The following EP400 variants were observed in gnomAD, a reference collection of about 807,000 sequenced individuals.
EP400 encodes E1A binding protein p400.
EP400 carries 105 observed loss-of-function variants against 354.1 expected under a neutral mutation model. That is an observed-to-expected ratio of 0.30 (90% CI 0.25 to 0.35). The LOEUF (loss-of-function observed/expected upper bound fraction) is 0.35, where lower values mean the gene tolerates loss of function less well. EP400 is among the 10% of genes least tolerant of loss of function. EP400 has a pLI of 1.00. For synonymous variants in EP400, 1,646 were observed against 1,716.9 expected, an observed-to-expected ratio of 0.96 and a Z score of 1.02; for missense variants, 3,280 against 4,121.0, an observed-to-expected ratio of 0.80 and a Z score of 5.59.
rs539785969 is a variant in EP400 at position 132,017,257 on chromosome 12, C to G, written c.3924-278C>G. ...ATCCCCCTTGGATGCCCCCACTTCT[C>G]TTTCAGAGCACTCGGTATGATTGTG... On this transcript the variant is annotated intron_variant, in intron 19 of 52. Coordinates refer to ENST00000389561, the MANE Select transcript of EP400 (RefSeq NM_015409.5). The surrounding 1 kb of genome is among the most constrained non-coding windows in gnomAD (Gnocchi z 5.0). 5.0e-4 allele frequency among the ~76,000 whole-genome samples: 76 copies of G among 152,368 alleles called. 1 individual carries two copies. The highest frequency in any genetic ancestry group is 1.8e-3 in the African/African-American group (74 of 41,594).
rs550961656 is a variant in EP400 at position 132,018,371 on chromosome 12, C to T, written c.4272C>T (p.Ala1424=). ...GACCAGCAGCAGCAAAGCTGAAGGC[C>T]AGCAGGTGCGTGCGACCCAGAGGCA... ...AARPAAAKLK[A]SRLFQPVQYG... The change falls in exon 21 of 53, where the codon GCC becomes GCT. Residue 1424 remains alanine, a synonymous_variant. Transcript: ENST00000389561. This position sits in a 1 kb window ranked among gnomAD's most constrained non-coding sequence, Gnocchi z 4.0. The T allele has an allele frequency of 9.3e-5, 149 of 1,605,764 alleles. 2 individuals are homozygous for T. In the South Asian group the frequency reaches 1.6e-3, roughly 17 times the overall value.
In EP400 at chr12:132,029,150, A is replaced by G. The variant is rs1381063419; in HGVS notation, c.5382-551A>G. ...GAACATCATGGGTGACCATTCGTTCAGTTTGAATACAGCTGGGAGTGAGTC... is the reference window on the plus strand; with the variant it reads ...GAACATCATGGGTGACCATTCGTTCGGTTTGAATACAGCTGGGAGTGAGTC... On this transcript the variant is annotated intron_variant, in intron 27 of 52. Transcript: ENST00000389561. This position sits in a 1 kb window ranked among gnomAD's most constrained non-coding sequence, Gnocchi z 4.7. 1 of 154,892 alleles carries G rather than the reference A, an allele frequency of 6.5e-6. No individual in the cohort carries two copies. The highest frequency in any genetic ancestry group is 1.4e-5 in the Non-Finnish European group (1 of 69,880). The allele number at this position is 154,892 out of a possible 1,614,324, so 9.6% of individuals were successfully genotyped here. A position where few individuals can be genotyped will look rare whatever the true frequency, so the allele number is the denominator to read the frequency against.
At chr12:131,964,643 C>A (rs1380791700) in intron 2 of EP400, among the ~76,000 whole-genome samples, 1 of 152,122 alleles carries the variant, frequency 6.6e-6, no homozygotes, top group Non-Finnish European at 1.5e-5. Flanking sequence ...TTAAAAACCC[C>A]TTATATCCTT....
In EP400 at chr12:132,017,437, G is replaced by A; in HGVS notation, c.3924-98G>A. 1 of 1,351,816 alleles carries A rather than the reference G, an allele frequency of 7.4e-7. No homozygotes were observed. 83.7% of individuals were successfully genotyped at this position (1,351,816 alleles called of 1,614,324 possible). ...AAGCGGACCTAGAAAATCTGCTCCTGCCTGCCTTTCTGGAGTTGGGACAGT... is the reference window on the plus strand; with the variant it reads ...AAGCGGACCTAGAAAATCTGCTCCTACCTGCCTTTCTGGAGTTGGGACAGT... On this transcript the variant is annotated intron_variant, in intron 19 of 52. Coordinates refer to ENST00000389561, the MANE Select transcript of EP400 (RefSeq NM_015409.5). The surrounding 1 kb of genome is among the most constrained non-coding windows in gnomAD (Gnocchi z 5.0).
intron 52 of EP400, 107 bp from the exon 53 acceptor site, chr12:132,077,294 T>C: frequency 2.2e-6 from 3 of 1,375,148 alleles, no homozygotes; most frequent in Non-Finnish European, 3.0e-6. Context: ...CATAAAAGCA[T>C]AGTCAGTGAA....
At chr12:131,950,946 C>G (rs904459708) in intron 1 of EP400, among the ~76,000 whole-genome samples, 1 of 151,790 alleles carries the variant, frequency 6.6e-6, no homozygotes, top group Non-Finnish European at 1.5e-5. Context: ...GTCACCCAGG[C>G]TGGAGTGCAG....
intron 45 of EP400, among the ~76,000 whole-genome samples, chr12:132,059,753 C>T (rs369506166): frequency 1.3e-5 from 2 of 152,102 alleles, no homozygotes; most frequent in African/African-American, 2.4e-5. Flanking sequence ...GGTGTCTCAA[C>T]GCCTGTAATC....
intron 1 of EP400, among the ~76,000 whole-genome samples, chr12:131,955,483 C>T (rs1053069960): frequency 3.3e-5 from 5 of 151,914 alleles, no homozygotes; most frequent in East Asian, 3.9e-4. Flanking sequence ...GGTTTCTCCA[C>T]GTTGGTCAGG....
At position 132,053,830 on chromosome 12, in the gene EP400, C is replaced by T. The variant is rs150956312; in HGVS notation, c.7728+233C>T. Among the ~76,000 whole-genome samples, 382 of 152,264 alleles carry T rather than the reference C, an allele frequency of 2.5e-3. 3 individuals carry two copies. The highest frequency in any genetic ancestry group is 8.5e-3 in the African/African-American group (355 of 41,548). ...TCCAGGGCTTTTGTGGGCTTAGTGGCTTTATTGGATTTGGCAGGTAGAGGC... is the reference window on the plus strand; with the variant it reads ...TCCAGGGCTTTTGTGGGCTTAGTGGTTTTATTGGATTTGGCAGGTAGAGGC... On this transcript the variant is annotated intron_variant, in intron 43 of 52. Coordinates refer to ENST00000389561, the MANE Select transcript of EP400 (RefSeq NM_015409.5).
intron 2 of EP400, chr12:131,963,660 T>C: frequency 6.3e-7 from 1 of 1,575,050 alleles, no homozygotes; most frequent in Non-Finnish European, 8.6e-7. Context: ...TCGATGGTTC[T>C]CAAATGTAGT....
chr12:131,955,507 C>T (rs1185680182), intron 1 of EP400, among the ~76,000 whole-genome samples: 2 of 152,126 alleles, frequency 1.3e-5, no homozygotes. Context: ...GTCTTGAACT[C>T]CGGACCTCAG....
chr12:131,960,707 G>GGGCGCCCCCCCCC lies in EP400; in HGVS notation c.88_89insGGCGCCCCCCCCC (p.Ala30GlyfsTer39). 6.5e-7 allele frequency: 1 copy of GGGCGCCCCCCCCC among 1,545,590 alleles called. No homozygotes were observed. The highest frequency in any genetic ancestry group is 8.7e-7 in the Non-Finnish European group (1 of 1,146,246). On this transcript the variant is annotated frameshift_variant, in exon 2 of 53. Transcript: ENST00000389561. LOFTEE classifies it high-confidence loss of function. ...TGGCAGCGAGGGTGAGGAGCAGCCG[G>GGGCGCCCCCCCCC]CCCACCCCAACCCACCCCCGTCCCC... is the stretch of plus-strand genomic sequence containing the variant.
intron 19 of EP400, among the ~76,000 whole-genome samples, chr12:132,016,363 T>C (rs1487455047): frequency 6.6e-6 from 1 of 152,110 alleles, no homozygotes; most frequent in Non-Finnish European, 1.5e-5. Flanking sequence ...CCTGCTTTTT[T>C]TTTCTTTTTT....
intron 1 of EP400, among the ~76,000 whole-genome samples, chr12:131,958,621 C>T (rs933812399): frequency 5.9e-5 from 9 of 152,134 alleles, no homozygotes; most frequent in Admixed American, 2.6e-4. Context: ...TGGGCTCAGG[C>T]GGTCTCCTTT....
intron 45 of EP400, among the ~76,000 whole-genome samples, chr12:132,055,735 G>T (rs1895484441): frequency 6.6e-6 from 1 of 151,114 alleles, no homozygotes; most frequent in South Asian, 2.1e-4. Context: ...AGGGGTGTGT[G>T]TGTGAAGTGT....
Position 132,045,412 on chromosome 12 carries a change from G to T in EP400, c.6878G>T (p.Arg2293Leu), listed in dbSNP as rs779452791. 3 of 1,614,234 alleles carry T rather than the reference G, an allele frequency of 1.9e-6. No individual in the cohort carries two copies. Among genetic ancestry groups the T allele is most frequent in the South Asian group, 1.1e-5 (1 of 91,084 alleles). The change falls in exon 38 of 53, where the codon CGC becomes CTC. Residue 2293 changes from arginine to leucine, a missense_variant. By Grantham distance (102) the Arg-to-Leu change is moderately radical. This residue lies in a region of EP400 where 231 missense variants were observed against 257.9 expected (regional missense o/e 0.90). Coordinates refer to ENST00000389561, the MANE Select transcript of EP400 (RefSeq NM_015409.5). The part of the protein sequence containing the change: ...DRATPGLLKI[R>L]REGKEQKKNI... ...GCAACACCAGGACTTCTGAAAATTC[G>T]CAGAGAGGGCAAGGAGCAGAAGAAG...
At chr12:132,065,227 C>T (rs1185293892) in intron 48 of EP400, 4 of 367,472 alleles carry the variant, frequency 1.1e-5, no homozygotes, top group Admixed American at 8.0e-5. Flanking sequence ...GAGCAGAGGG[C>T]GCTGTGCATG....
chr12:132,045,694 T>G (rs781376132), intron 38 of EP400, 33 bp from the exon 39 acceptor site: 2 of 1,612,668 alleles, frequency 1.2e-6, no homozygotes, highest in Non-Finnish European at 1.7e-6. Flanking sequence ...TTAGAGTGTA[T>G]TCACCTGTTT....
chr12:132,030,265 G>T, intron 29 of EP400, 107 bp downstream of exon 29: 2 of 1,310,174 alleles, frequency 1.5e-6, no homozygotes, highest in Non-Finnish European at 2.1e-6. Context: ...AGTGAAAGGG[G>T]AGGGACTTAA....
Sources: allele counts gnomAD v4.1 joint callset (sites outside exome capture counted in the v4.1 genomes callset), GRCh38; gene constraint gnomAD v4.1.1; regional missense constraint gnomAD v4.1.1; non-coding constraint Gnocchi (gnomAD v3.1); transcripts MANE v1.5; gene names NCBI Gene and HGNC (gene_info 2026-07-23, HGNC 2026-07-21).